The following ABLIM2 variants were observed in gnomAD, a reference collection of about 807,000 sequenced individuals.
ABLIM2 encodes actin binding LIM protein family member 2.
ABLIM2 carries 53 observed loss-of-function variants against 97.7 expected under a neutral mutation model. The ratio of observed to expected loss-of-function variants is 0.54; its 90% CI spans 0.44 to 0.68. The LOEUF is 0.68. Ranked by LOEUF, ABLIM2 falls within the 30% of genes least tolerant of loss-of-function variation. The probability of loss-of-function intolerance (pLI) is 0.00; values close to 1 mark genes in which losing one functional copy is unlikely to be tolerated. For missense variants in ABLIM2, 835 were observed against 867.2 expected (o/e 0.96, Z 0.47); for synonymous variants, 361 against 345.8 (o/e 1.04, Z -0.49).
rs762749517 is a variant in ABLIM2, at chr4:8,005,422, G to T, written c.1618+2637C>A. On this transcript the variant is annotated intron_variant, in intron 16 of 20. Coordinates refer to ENST00000447017, the MANE Select transcript of ABLIM2 (RefSeq NM_001130083.2). This position sits in a 1 kb window ranked among gnomAD's most constrained non-coding sequence, Gnocchi z 4.9. ...ACCTTCCTTGGGCGCGCTACAGATG[G>T]ACGTCCCGGGGTGCAGGTGGCGTGC... The T allele has an allele frequency of 3.7e-6, 2 of 533,454 alleles. No individual in the cohort carries two copies. The highest frequency in any genetic ancestry group is 3.8e-6 in the Non-Finnish European group (1 of 259,960). 33.0% of individuals were successfully genotyped at this position (533,454 alleles called of 1,614,324 possible). A position where few individuals can be genotyped will look rare whatever the true frequency, so the allele number is the denominator to read the frequency against.
Position 8,066,360 on chromosome 4 carries a change from GGGA to G in ABLIM2, c.676-5309_676-5307del, listed in dbSNP as rs1807489238. ...AGGGAGGGAGAGAGGGAGGGAGGGA[GGGA>G]AGGAAGGAAGGAAGGAAGGAAGGAA... On this transcript the variant is annotated intron_variant, in intron 6 of 20. Transcript: ENST00000447017. 5.9e-5 allele frequency among the ~76,000 whole-genome samples: 3 copies of G among 51,194 alleles called. 1 individual carries two copies. The East Asian group carries it at 2.7e-3, about 46-fold the overall frequency. The allele number at this position is 51,194 out of a possible 152,430, so 33.6% of individuals were successfully genotyped here.
rs1383275612 is a variant in ABLIM2, at chr4:8,112,558, G to C, written c.11-5921C>G. 1.3e-5 allele frequency among the ~76,000 whole-genome samples: 2 copies of C among 152,156 alleles called. No individual in the cohort carries two copies. The highest frequency in any genetic ancestry group is 2.9e-5 in the Non-Finnish European group (2 of 68,028). On this transcript the variant is annotated intron_variant, in intron 1 of 20. Coordinates refer to ENST00000447017, the MANE Select transcript of ABLIM2 (RefSeq NM_001130083.2). This position sits in a 1 kb window ranked among gnomAD's most constrained non-coding sequence, Gnocchi z 4.2. ...AGATCAGGGGTGGCTATCAGAAAGA[G>C]GAAAAACGATGACTCTGAGGTCTAC... is the stretch of plus-strand genomic sequence containing the variant.
chr4:8,006,806 G>A (rs1458805300), intron 16 of ABLIM2, among the ~76,000 whole-genome samples: 2 of 152,236 alleles, frequency 1.3e-5, no homozygotes, highest in African/African-American at 2.4e-5. Flanking sequence ...CTGCAGATGA[G>A]GTGGGCAGTT....
chr4:8,100,337 C>T (rs1201055279), intron 2 of ABLIM2, among the ~76,000 whole-genome samples: 5 of 152,152 alleles, frequency 3.3e-5, no homozygotes, highest in Non-Finnish European at 7.3e-5. Flanking sequence ...GTCCTTGCTT[C>T]TTCCACTTCC....
At position 8,019,626 on chromosome 4, in the gene ABLIM2, C is replaced by G; in HGVS notation, c.1415G>C (p.Arg472Thr). The G allele has an allele frequency of 6.2e-7, 1 of 1,611,844 alleles. No individual in the cohort carries two copies. Among genetic ancestry groups the G allele is most frequent in the Non-Finnish European group, 8.5e-7 (1 of 1,179,222 alleles). The change falls in exon 14 of 21, where the codon AGA becomes ACA. Residue 472 changes from arginine (R) to threonine (T), a missense_variant. Arg to Thr is a moderately conservative substitution (Grantham distance 71). Transcript: ENST00000447017. The surrounding 1 kb of genome is among the most constrained non-coding windows in gnomAD (Gnocchi z 4.3). ...DNIYRKPPIY[R>T]QHAARRSDGE... is the part of the protein sequence containing the mutation. ...GAGGAATCCAACCGTACCATGCTGT[C>G]TGTAGATAGGGGGTTTCCTATAGAT...
At chr4:8,126,853 C>T (rs116051326) in intron 1 of ABLIM2, among the ~76,000 whole-genome samples, 2,466 of 152,104 alleles carry the variant, frequency 0.016, 85 homozygotes, top group African/African-American at 0.056. Flanking sequence ...ACTGCTTACA[C>T]CCGGGAGTTC....
chr4:8,126,156 C>T (rs1228526187), intron 1 of ABLIM2, among the ~76,000 whole-genome samples: 1 of 152,118 alleles, frequency 6.6e-6, no homozygotes, highest in South Asian at 2.1e-4. Flanking sequence ...GAGTGTGAGG[C>T]GCTGAGGGGG....
At chr4:7,983,495 C>T (rs998548162) in intron 19 of ABLIM2, 52 bp downstream of exon 19, 2 of 1,610,054 alleles carry the variant, frequency 1.2e-6, no homozygotes, top group African/African-American at 1.3e-5. Context: ...GACTTTTAAC[C>T]TGGGCAGGTG....
chr4:8,036,140 G>A lies in ABLIM2; in HGVS notation c.1047+9C>T, dbSNP rs534009379. On this transcript the variant is annotated intron_variant, in intron 10 of 20. Transcript: ENST00000447017. ...CAGGTGTCCAGGGCCATGTGGGCAG[G>A]GTCCATACCTCGCCGTAGCTCTGCC... The A allele has an allele frequency of 6.2e-7, 1 of 1,613,520 alleles. No homozygotes were observed. The highest frequency in any genetic ancestry group is 2.2e-5 in the East Asian group (1 of 44,870).
chr4:8,054,892 G>C lies in ABLIM2; in HGVS notation c.764-646C>G, dbSNP rs1306035009. 1.3e-5 allele frequency among the ~76,000 whole-genome samples: 2 copies of C among 152,084 alleles called. No individual in the cohort carries two copies. The highest frequency in any genetic ancestry group is 2.9e-5 in the Non-Finnish European group (2 of 68,010). ...TTACTCAGTCTCTGTGGCTTCTTGT[G>C]TCTCAGTTTCTCTAGCTGTCAGTTC... On this transcript the variant is annotated intron_variant, in intron 7 of 20. Coordinates refer to ENST00000447017, the MANE Select transcript of ABLIM2 (RefSeq NM_001130083.2). The surrounding 1 kb of genome is among the most constrained non-coding windows in gnomAD (Gnocchi z 4.9).
intron 14 of ABLIM2, among the ~76,000 whole-genome samples, chr4:8,018,158 T>A (rs1007800601): frequency 1.3e-5 from 2 of 152,194 alleles, no homozygotes; most frequent in African/African-American, 4.8e-5. Context: ...TTCCCCTTTC[T>A]AAGGGGCAGA....
At position 8,155,526 on chromosome 4, in the gene ABLIM2, G is replaced by A. The variant is rs1212059753; in HGVS notation, c.10+3154C>T. Reference sequence around the variant, plus strand: ...TGATCCTAAGAGCAGCATGGAAACAGAAGGCTGAGCCAGCCACAAGGCCGC... The same window carrying A: ...TGATCCTAAGAGCAGCATGGAAACAAAAGGCTGAGCCAGCCACAAGGCCGC... On this transcript the variant is annotated intron_variant, in intron 1 of 20. Coordinates refer to ENST00000447017, the MANE Select transcript of ABLIM2 (RefSeq NM_001130083.2). This position sits in a 1 kb window ranked among gnomAD's most constrained non-coding sequence, Gnocchi z 4.2. 6.6e-6 allele frequency among the ~76,000 whole-genome samples: 1 copy of A among 152,152 alleles called. No homozygotes were observed. Among genetic ancestry groups the A allele is most frequent in the Non-Finnish European group, 1.5e-5 (1 of 68,038 alleles).
rs191761893 is a variant in ABLIM2 at position 8,005,443 on chromosome 4, C to A, written c.1618+2616G>T. 3.8e-6 allele frequency: 2 copies of A among 532,734 alleles called. No individual in the cohort carries two copies. Among genetic ancestry groups the A allele is most frequent in the Admixed American group, 1.9e-5 (1 of 51,588 alleles). 33.0% of individuals were successfully genotyped at this position (532,734 alleles called of 1,614,324 possible). ...GATGGACGTCCCGGGGTGCAGGTGG[C>A]GTGCCTTGCTGTGTGCAAATGCTTT... On this transcript the variant is annotated intron_variant, in intron 16 of 20. Transcript: ENST00000447017. The surrounding 1 kb of genome is among the most constrained non-coding windows in gnomAD (Gnocchi z 4.9).
At chr4:7,981,383 CT>C (rs1738296003) in intron 20 of ABLIM2, among the ~76,000 whole-genome samples, 1 of 152,146 alleles carries the variant, frequency 6.6e-6, no homozygotes, top group Non-Finnish European at 1.5e-5. Context: ...GTTGTCCCAC[CT>C]TTCCAGACCG....
chr4:8,094,381 G>A (rs1226711018), intron 3 of ABLIM2, among the ~76,000 whole-genome samples: 3 of 152,256 alleles, frequency 2.0e-5, no homozygotes, highest in East Asian at 3.9e-4. Flanking sequence ...CAGGAGCTTC[G>A]GCAAGACTCA....
intron 1 of ABLIM2, among the ~76,000 whole-genome samples, chr4:8,114,439 G>A (rs528377484): frequency 6.6e-6 from 1 of 152,204 alleles, no homozygotes; most frequent in Non-Finnish European, 1.5e-5. Context: ...GTGCCTTACA[G>A]TGTGTCCCCT....
intron 2 of ABLIM2, among the ~76,000 whole-genome samples, chr4:8,102,970 A>G (rs1451413776): frequency 1.3e-5 from 2 of 152,226 alleles, no homozygotes; most frequent in Non-Finnish European, 2.9e-5. Flanking sequence ...GGGTTATGCG[A>G]GGAGACAGGC....
intron 9 of ABLIM2, among the ~76,000 whole-genome samples, chr4:8,039,874 G>GTTTTGTTTTTTTTT (rs1787045903): frequency 9.2e-6 from 1 of 108,630 alleles, no homozygotes. Flanking sequence ...GCTGATTACT[G>GTTTTGTTTTTTTTT]TTTTTTTTTT....
chr4:8,133,611 G>A (rs573428224), intron 1 of ABLIM2, among the ~76,000 whole-genome samples: 14 of 152,282 alleles, frequency 9.2e-5, no homozygotes, highest in Admixed American at 3.3e-4. Flanking sequence ...ATCCCAGCCC[G>A]GCTGGAGCTC....
Sources: allele counts gnomAD v4.1 joint callset (sites outside exome capture counted in the v4.1 genomes callset), GRCh38; gene constraint gnomAD v4.1.1; non-coding constraint Gnocchi (gnomAD v3.1); transcripts MANE v1.5; gene names NCBI Gene and HGNC (gene_info 2026-07-23, HGNC 2026-07-21).